The following TRPC4AP variants were observed in gnomAD, a reference collection of about 807,000 sequenced individuals.
The protein encoded by TRPC4AP is transient receptor potential cation channel subfamily C member 4 associated protein.
TRPC4AP carries 45 observed loss-of-function variants against 99.0 expected under a neutral mutation model. The ratio of observed to expected loss-of-function variants is 0.45; its 90% CI spans 0.36 to 0.58. The LOEUF (loss-of-function observed/expected upper bound fraction) is 0.58, where lower values mean the gene tolerates loss of function less well. TRPC4AP is among the 20% of genes least tolerant of loss of function. The pLI, the probability that TRPC4AP is intolerant of heterozygous loss-of-function variation, is 0.00. For missense variants in TRPC4AP, 879 were observed against 985.3 expected, an observed-to-expected ratio of 0.89 and a Z score of 1.44; for synonymous variants, 408 against 385.8, an observed-to-expected ratio of 1.06 and a Z score of -0.67.
chr20:35,005,799 TG>T lies in TRPC4AP; in HGVS notation c.1831del (p.Gln611ArgfsTer4), dbSNP rs771763213. On this transcript the variant is annotated frameshift_variant, in exon 16 of 19. Transcript: ENST00000252015. LOFTEE classifies it high-confidence loss of function. ...GCTGTTGATCTGCTTCAGGAATACC[TG>T]GAACTATACAGAAACCAAGCTCACA... ...NKYINTDAKFQVFLKQINSSL... is the reference protein window; with the variant it reads ...NKYINTDAKFXVFLKQINSSL... 2 of 1,613,990 alleles carry T rather than the reference TG, an allele frequency of 1.2e-6. No individual in the cohort carries two copies. The highest frequency in any genetic ancestry group is 8.5e-7 in the Non-Finnish European group (1 of 1,179,856).
intron 1 of TRPC4AP, among the ~76,000 whole-genome samples, chr20:35,089,039 C>T (rs1223707550): frequency 2.3e-5 from 2 of 86,380 alleles, no homozygotes; most frequent in Non-Finnish European, 5.4e-5. Context: ...TAACTATACA[C>T]CTTTTTTTTT....
rs79341480 is a variant in TRPC4AP at position 35,011,393 on chromosome 20, G to A, written c.1410-1105C>T. ...GGCCATAATCACTGGCAACACGGCA[G>A]GCACAGCACAGAGTACTGGTTGTCT... On this transcript the variant is annotated intron_variant, in intron 11 of 18. Transcript: ENST00000252015. Among the ~76,000 whole-genome samples, 45 of 152,336 alleles carry A rather than the reference G, an allele frequency of 3.0e-4. 1 individual carries two copies. The East Asian group carries it at 8.3e-3, about 28-fold the overall frequency.
intron 8 of TRPC4AP, among the ~76,000 whole-genome samples, chr20:35,025,433 A>C (rs776196024): frequency 6.6e-6 from 1 of 152,110 alleles, no homozygotes; most frequent in African/African-American, 2.4e-5. Flanking sequence ...TTGGCCTCCC[A>C]AAGTATTGGG....
intron 9 of TRPC4AP, among the ~76,000 whole-genome samples, chr20:35,019,236 A>T (rs1202121051): frequency 6.6e-6 from 1 of 152,228 alleles, no homozygotes; most frequent in Non-Finnish European, 1.5e-5. Flanking sequence ...AAACCCAGGA[A>T]ATGCTGACTG....
At chr20:35,029,927 C>T (rs755562950) in intron 8 of TRPC4AP, among the ~76,000 whole-genome samples, 27 of 128,786 alleles carry the variant, frequency 2.1e-4, no homozygotes, top group Admixed American at 3.0e-4. Flanking sequence ...TGAGCCACCG[C>T]GCCCAGCCCC....
intron 1 of TRPC4AP, among the ~76,000 whole-genome samples, chr20:35,089,876 G>A (rs1405854338): frequency 1.3e-5 from 2 of 151,654 alleles, no homozygotes; most frequent in Admixed American, 1.3e-4. Flanking sequence ...GTTTAAATCT[G>A]GTCTTTTCCT....
chr20:35,067,034 T>G (rs1341694501), intron 3 of TRPC4AP, among the ~76,000 whole-genome samples: 2 of 152,226 alleles, frequency 1.3e-5, no homozygotes, highest in African/African-American at 2.4e-5. Flanking sequence ...TCAAAAGAGA[T>G]ATATCTCAAC....
At position 35,048,214 on chromosome 20, in the gene TRPC4AP, T is replaced by G. The variant is rs1432719637; in HGVS notation, c.657+1652A>C. Among the ~76,000 whole-genome samples, 185 of 141,266 alleles carry G rather than the reference T, an allele frequency of 1.3e-3. 1 individual carries two copies. Among genetic ancestry groups the G allele is most frequent in the African/African-American group, 5.1e-3 (176 of 34,772 alleles). The allele number at this position is 141,266 out of a possible 152,430, so 92.7% of individuals were successfully genotyped here. A position where few individuals can be genotyped will look rare whatever the true frequency, so the allele number is the denominator to read the frequency against. On this transcript the variant is annotated intron_variant, in intron 6 of 18. Coordinates refer to ENST00000252015, the MANE Select transcript of TRPC4AP (RefSeq NM_015638.3). ...TCATGCTGATTTGTAAGAATTCTGT[T>G]TTTTTTTTTTTTTTTGAGAGGGAGT...
chr20:35,042,193 A>G (rs2083459106), intron 7 of TRPC4AP, among the ~76,000 whole-genome samples: 1 of 152,242 alleles, frequency 6.6e-6, no homozygotes, highest in African/African-American at 2.4e-5. Flanking sequence ...CAGACCAAGG[A>G]AGACCTTGTA....
At chr20:35,003,762 A>C (rs2082450539) in intron 17 of TRPC4AP, 146 bp from the exon 18 acceptor site, 1 of 911,884 alleles carries the variant, frequency 1.1e-6, no homozygotes, top group East Asian at 2.7e-5. Context: ...GTGAGATAGG[A>C]CTGGGGGAAG....
At chr20:35,005,608 ATTC>A (rs1191896774) in intron 16 of TRPC4AP, 84 bp downstream of exon 16, 1 of 1,310,884 alleles carries the variant, frequency 7.6e-7, no homozygotes, top group African/African-American at 1.5e-5. Flanking sequence ...TCCCTCAGTC[ATTC>A]TTGTCTCCCT....
intron 16 of TRPC4AP, 73 bp downstream of exon 16, chr20:35,005,622 G>A: frequency 1.4e-6 from 2 of 1,403,790 alleles, no homozygotes; most frequent in East Asian, 4.6e-5. Flanking sequence ...TTGTCTCCCT[G>A]CTGGAGACAG....
rs764263935 is a variant in TRPC4AP, at chr20:35,003,398, T to C, written c.2256+12A>G. The stretch of plus-strand genomic sequence containing the variant: ...GGCCCACCCATCACCCCCTTGAGGG[T>C]GGGGCACTCACGTTCTCTAGGCAGG... On this transcript the variant is annotated intron_variant, in intron 18 of 18. Transcript: ENST00000252015. The C allele has an allele frequency of 3.1e-6, 5 of 1,590,602 alleles. No homozygotes were observed. Among genetic ancestry groups the C allele is most frequent in the Non-Finnish European group, 4.3e-6 (5 of 1,163,196 alleles).
intron 8 of TRPC4AP, among the ~76,000 whole-genome samples, chr20:35,030,698 G>C (rs1189252779): frequency 6.6e-6 from 1 of 152,092 alleles, no homozygotes; most frequent in East Asian, 1.9e-4. Context: ...TACAACTTTG[G>C]TACCACCCGT....
At chr20:35,017,111 T>C (rs747744111) in intron 9 of TRPC4AP, among the ~76,000 whole-genome samples, 13 of 152,350 alleles carry the variant, frequency 8.5e-5, no homozygotes, top group Non-Finnish European at 1.3e-4. Flanking sequence ...CTACTCACTA[T>C]AGCATTATTT....
intron 1 of TRPC4AP, among the ~76,000 whole-genome samples, chr20:35,089,308 C>T (rs1419694658): frequency 6.6e-6 from 1 of 151,914 alleles, no homozygotes; most frequent in Non-Finnish European, 1.5e-5. Context: ...CTCACTGCAG[C>T]CTTGACTTGC....
At chr20:35,064,930 T>A (rs2084105311) in intron 3 of TRPC4AP, among the ~76,000 whole-genome samples, 1 of 152,240 alleles carries the variant, frequency 6.6e-6, no homozygotes. Flanking sequence ...GGTCTTGGTA[T>A]ACACAAGCTT....
At chr20:35,017,818 T>G (rs756072064) in intron 9 of TRPC4AP, among the ~76,000 whole-genome samples, 2 of 152,210 alleles carry the variant, frequency 1.3e-5, no homozygotes, top group Non-Finnish European at 2.9e-5. Context: ...CTGAAAGTAA[T>G]AGAGGTGACT....
intron 3 of TRPC4AP, among the ~76,000 whole-genome samples, chr20:35,058,687 CTTTTTT>C (rs71196781): frequency 2.2e-4 from 24 of 110,364 alleles, no homozygotes; most frequent in African/African-American, 7.1e-4. Context: ...AAAGAAAATT[CTTTTTT>C]TTTTTTTTTT....
Sources: gnomAD v4.1 joint callset for allele counts (sites outside exome capture counted in the v4.1 genomes callset) on GRCh38, gnomAD v4.1.1 for gene constraint, MANE v1.5 for transcripts, NCBI Gene and HGNC (gene_info 2026-07-23, HGNC 2026-07-21) for gene names.